Variants in CAPN12 observed in about 807,000 individuals in gnomAD.
The protein encoded by CAPN12 is calpain-12.
A neutral mutation model predicts 95.0 loss-of-function variants in CAPN12; 107 were observed. That is an observed-to-expected ratio of 1.13 (90% CI 0.96 to 1.32). CAPN12 has a LOEUF of 1.32. Ranked by LOEUF, CAPN12 falls within the 40% of genes most tolerant of loss-of-function variation. CAPN12 has a pLI of 0.00. For synonymous variants in CAPN12, 505 were observed against 415.5 expected (o/e 1.22, Z -2.62); for missense variants, 1,136 against 997.8 (o/e 1.14, Z -1.87).
chr19:38,737,169 A>G lies in CAPN12; in HGVS notation c.1349T>C (p.Phe450Ser). ...CCAGGACCTCACCTGGAACACGTGGAAGCCAACGGTGAGGTAAGTGAGGCC... is the reference window on the plus strand; with the variant it reads ...CCAGGACCTCACCTGGAACACGTGGGAGCCAACGGTGAGGTAAGTGAGGCC... ...AKGLTYLTVG[F>S]HVFQIPEELL... is the part of the protein sequence containing the mutation. The change falls in exon 10 of 21, where the codon TTC (phenylalanine) becomes TCC (serine). Residue 450 changes from phenylalanine (F) to serine (S), a missense_variant. Physicochemically the swap from Phe to Ser is radical, Grantham distance 155 (BLOSUM62 -2). Transcript: ENST00000328867. 1 of 1,529,908 alleles carries G rather than the reference A, an allele frequency of 6.5e-7. No individual in the cohort carries two copies. The highest frequency in any genetic ancestry group is 8.8e-7 in the Non-Finnish European group (1 of 1,138,482). 94.8% of individuals were successfully genotyped at this position (1,529,908 alleles called of 1,614,324 possible).
rs994032751 is a variant in CAPN12, at chr19:38,730,638, G to C, written c.*214C>G. 3.2e-6 allele frequency: 2 copies of C among 624,448 alleles called. No homozygotes were observed. Among genetic ancestry groups the C allele is most frequent in the East Asian group, 2.7e-5 (1 of 36,458 alleles). The allele number at this position is 624,448 out of a possible 1,614,324, so 38.7% of individuals were successfully genotyped here. The stretch of plus-strand genomic sequence containing the variant: ...TTAAGCTGTCAACGTGGACTAGCTC[G>C]TGTCATCTGCTCGAGAAGGGCTGTC... On this transcript the variant is annotated 3_prime_UTR_variant, in exon 21 of 21. Coordinates refer to ENST00000328867, the MANE Select transcript of CAPN12 (RefSeq NM_144691.4).
Position 38,737,264 on chromosome 19 carries a change from C to G in CAPN12, c.1254G>C (p.Gly418=). Residue 418 remains glycine, a synonymous_variant, in exon 10 of 21, where the codon GGG becomes GGC. Coordinates refer to ENST00000328867, the MANE Select transcript of CAPN12 (RefSeq NM_144691.4). ...GGACCGTGCACTTGGGCGTGCGGCCCCCCCGCGCTGGGCCCCGTGCCCCTG... is the reference window on the plus strand; with the variant it reads ...GGACCGTGCACTTGGGCGTGCGGCCGCCCCGCGCTGGGCCCCGTGCCCCTG... ...GAAGARGPAR[G]GRTPKCTVLL... The G allele has an allele frequency of 6.5e-7, 1 of 1,549,626 alleles. No homozygotes were observed. Among genetic ancestry groups the G allele is most frequent in the Non-Finnish European group, 8.7e-7 (1 of 1,147,560 alleles).
chr19:38,734,061 C>T, intron 17 of CAPN12, 81 bp downstream of exon 17: 2 of 1,494,944 alleles, frequency 1.3e-6, no homozygotes, highest in African/African-American at 1.4e-5. Flanking sequence ...TCCCTGGGGA[C>T]CTGATAGCCC....
At position 38,738,584 on chromosome 19, in the gene CAPN12, C is replaced by T; in HGVS notation, c.794G>A (p.Gly265Asp). ...LVKGHAYSIT[G>D]THKVFLGFTK... Reference sequence around the variant, plus strand: ...ATGGGGGACACTTACCTTGTGTGTGCCCGTGATGGAATACGCGTGTCCCTT... The same window carrying T: ...ATGGGGGACACTTACCTTGTGTGTGTCCGTGATGGAATACGCGTGTCCCTT... Residue 265 changes from glycine to aspartate, a missense_variant, in exon 6 of 21, where the codon GGC becomes GAC. Physicochemically the swap from Gly to Asp is moderately conservative, Grantham distance 94. Transcript: ENST00000328867. 3.1e-6 allele frequency: 5 copies of T among 1,614,030 alleles called. No homozygotes were observed. Among genetic ancestry groups the T allele is most frequent in the Non-Finnish European group, 4.2e-6 (5 of 1,180,024 alleles).
chr19:38,731,232 A>C lies in CAPN12; in HGVS notation c.1958-9T>G. On this transcript the variant is annotated splice_polypyrimidine_tract_variant and intron_variant, in intron 18 of 20. Transcript: ENST00000328867. Reference sequence around the variant, plus strand: ...GTTGTTCAGGTGGAAGCCTAGGGGGAGGCTGCTTCTGAGCCCAGTGGCCCA... The same window carrying C: ...GTTGTTCAGGTGGAAGCCTAGGGGGCGGCTGCTTCTGAGCCCAGTGGCCCA... The C allele has an allele frequency of 2.5e-6, 4 of 1,609,422 alleles. No homozygotes were observed. The highest frequency in any genetic ancestry group is 3.4e-6 in the Non-Finnish European group (4 of 1,177,738).
At chr19:38,741,626 G>A (rs1245496250) in intron 4 of CAPN12, 151 bp downstream of exon 4, 1 of 825,712 alleles carries the variant, frequency 1.2e-6, no homozygotes. Context: ...GTGATGTTGT[G>A]ATATGAGGGT....
chr19:38,738,694 G>T, intron 5 of CAPN12, 46 bp from the exon 6 acceptor site: 1 of 1,589,108 alleles, frequency 6.3e-7, no homozygotes, highest in Non-Finnish European at 8.6e-7. Flanking sequence ...GGACAGGAGG[G>T]CAGCTGCTCC....
rs377132193 is a variant in CAPN12, at chr19:38,738,601, G to T, written c.777C>A (p.His259Gln). The T allele has an allele frequency of 1.2e-6, 2 of 1,614,018 alleles. No individual in the cohort carries two copies. Among genetic ancestry groups the T allele is most frequent in the South Asian group, 1.1e-5 (1 of 91,086 alleles). Residue 259 changes from histidine (H) to glutamine (Q), a missense_variant, in exon 6 of 21, where the codon CAC (histidine) becomes CAA (glutamine). Physicochemically the swap from His to Gln is conservative, Grantham distance 24. Transcript: ENST00000328867. ...TGTGTGTGCCCGTGATGGAATACGC[G>T]TGTCCCTTTACCAGGCCCTCTTCTG... ...YRTEEGLVKG[H>Q]AYSITGTHKV...
Position 38,741,920 on chromosome 19 carries a change from G to T in CAPN12, c.427-10C>A. The T allele has an allele frequency of 1.9e-6, 3 of 1,613,248 alleles. No individual in the cohort carries two copies. The highest frequency in any genetic ancestry group is 2.5e-6 in the Non-Finnish European group (3 of 1,179,862). On this transcript the variant is annotated splice_polypyrimidine_tract_variant and intron_variant, in intron 3 of 20. Transcript: ENST00000328867. ...GGCCAAACTGCCAGAGCTGGTGGGA[G>T]AAGATGCAGGGCCGGACTCGGCTTC...
rs183138120 is a variant in CAPN12, at chr19:38,735,435, G to C, written c.1627-6C>G. On this transcript the variant is annotated splice_polypyrimidine_tract_variant and splice_region_variant and intron_variant, in intron 13 of 20. Transcript: ENST00000328867. ...TCCAGGGGCAGGTAGGGGCCCTGCC[G>C]CATGGCGGAAGTTTAGCGCTGGCCA... The C allele has an allele frequency of 1.2e-6, 2 of 1,610,572 alleles. No homozygotes were observed. Among genetic ancestry groups the C allele is most frequent in the South Asian group, 1.1e-5 (1 of 90,864 alleles).
At position 38,737,243 on chromosome 19, in the gene CAPN12, C is replaced by G. The variant is rs368783460; in HGVS notation, c.1275G>C (p.Thr425=). The G allele has an allele frequency of 8.4e-6, 13 of 1,551,076 alleles. No individual in the cohort carries two copies. Among genetic ancestry groups the G allele is most frequent in the African/African-American group, 1.4e-5 (1 of 72,876 alleles). ...TGCGCTGGATGAGGGACAGAAGGAC[C>G]GTGCACTTGGGCGTGCGGCCCCCCC... is the stretch of plus-strand genomic sequence containing the variant. The part of the protein sequence containing the change: ...PARGGRTPKC[T]VLLSLIQRNR... The change falls in exon 10 of 21, where the codon ACG becomes ACC. Residue 425 remains threonine (T), a synonymous_variant. Transcript: ENST00000328867.
At chr19:38,736,502 AG>A (rs747395692) in intron 11 of CAPN12, 49 bp downstream of exon 11, 11 of 1,510,852 alleles carry the variant, frequency 7.3e-6, no homozygotes, top group African/African-American at 6.0e-5. Flanking sequence ...ACCAAGCCCC[AG>A]GGCAGGTTGA....
chr19:38,731,883 CCAGGTGCTGTTTTAACAGGAGGG>C (rs1288304576), intron 18 of CAPN12, among the ~76,000 whole-genome samples: 1 of 152,240 alleles, frequency 6.6e-6, no homozygotes, highest in Non-Finnish European at 1.5e-5. Context: ...GTGCCCAGTG[CCAGGTGCTGTTTTAACAGGAGGG>C]CAGGTGGCCT....
chr19:38,736,709 C>T (rs1970199735), intron 10 of CAPN12, 146 bp from the exon 11 acceptor site: 9 of 1,027,022 alleles, frequency 8.8e-6, no homozygotes, highest in Non-Finnish European at 1.3e-5. Context: ...CCGCAGTCCC[C>T]GACCCAGGCC....
chr19:38,743,158 T>A (rs755816835), intron 1 of CAPN12, 56 bp from the exon 2 acceptor site: 10 of 1,602,800 alleles, frequency 6.2e-6, no homozygotes, highest in Non-Finnish European at 8.5e-6. Flanking sequence ...AAAGGTCTCA[T>A]CCAGAGGAGT....
intron 14 of CAPN12, 181 bp from the exon 15 acceptor site, chr19:38,735,051 C>T: frequency 3.2e-6 from 2 of 633,766 alleles, no homozygotes; most frequent in South Asian, 2.0e-5. Context: ...GCTGTGGTTG[C>T]TGGTGGGGGG....
chr19:38,738,337 A>G lies in CAPN12; in HGVS notation c.901T>C (p.Trp301Arg), dbSNP rs1568789450. The G allele has an allele frequency of 3.7e-6, 6 of 1,611,984 alleles. No individual in the cohort carries two copies. The highest frequency in any genetic ancestry group is 5.1e-6 in the Non-Finnish European group (6 of 1,179,982). Residue 301 changes from tryptophan (W) to arginine (R), a missense_variant, in exon 8 of 21, where the codon TGG becomes CGG. Coordinates refer to ENST00000328867, the MANE Select transcript of CAPN12 (RefSeq NM_144691.4). ...CGGCACTCGGTGGGGAGTGTGTCCC[A>G]GCGTGGGCAGCTGGAGAGACTGTGG... ...TGAWSDSCPR[W>R]DTLPTECRDA... is the part of the protein sequence containing the mutation.
Position 38,741,765 on chromosome 19 carries a change from T to C in CAPN12, c.560+12A>G. The C allele has an allele frequency of 6.2e-7, 1 of 1,613,756 alleles. No individual in the cohort carries two copies. ...ACTTAGGGCTGCAGCTGGTTGGAAC[T>C]GGGGTCCTCACTTGGCGTAGGCCTT... On this transcript the variant is annotated intron_variant, in intron 4 of 20. Coordinates refer to ENST00000328867, the MANE Select transcript of CAPN12 (RefSeq NM_144691.4).
chr19:38,733,675 C>T (rs1444030986), intron 18 of CAPN12, 28 bp downstream of exon 18: 2 of 1,604,458 alleles, frequency 1.2e-6, no homozygotes, highest in South Asian at 1.1e-5. Flanking sequence ...GTCCTGTCCC[C>T]ACGACCACCC....
Sources: gnomAD v4.1 joint callset for allele counts (sites outside exome capture counted in the v4.1 genomes callset) on GRCh38, gnomAD v4.1.1 for gene constraint, MANE v1.5 for transcripts, NCBI Gene and HGNC (gene_info 2026-07-23, HGNC 2026-07-21) for gene names.